AK9: variants seen among roughly 807,000 people sequenced by gnomAD.
AK9 encodes adenylate kinase domain containing 1.
Under a neutral mutation model 239.6 loss-of-function variants are expected in AK9, and 191 were observed. The observed-to-expected ratio is 0.80, with a 90% confidence interval of 0.71 to 0.90. The LOEUF is 0.90. Among genes scored for constraint, AK9 ranks in the 40% least tolerant of loss-of-function variants. The pLI is 0.00. For missense variants in AK9, 1,995 were observed against 2,214.7 expected, an observed-to-expected ratio of 0.90 and a Z score of 1.99; for synonymous variants, 689 against 721.0, an observed-to-expected ratio of 0.96 and a Z score of 0.71.
intron 1 of AK9, among the ~76,000 whole-genome samples, chr6:109,683,627 T>G (rs1032327869): frequency 6.6e-6 from 1 of 151,904 alleles, no homozygotes; most frequent in Non-Finnish European, 1.5e-5. Context: ...AGGGCCAAAT[T>G]ATGAGTGAAC....
At chr6:109,572,229 G>A (rs1453641166) in intron 21 of AK9, among the ~76,000 whole-genome samples, 3 of 152,120 alleles carry the variant, frequency 2.0e-5, no homozygotes, top group Non-Finnish European at 4.4e-5. Context: ...AGATACTGTT[G>A]GTTGGCTCCC....
intron 17 of AK9, among the ~76,000 whole-genome samples, chr6:109,599,993 T>A (rs1791678803): frequency 6.6e-6 from 1 of 152,190 alleles, no homozygotes; most frequent in African/African-American, 2.4e-5. Flanking sequence ...ACGATGGGGT[T>A]TTCTAGATAT....
At position 109,550,150 on chromosome 6, in the gene AK9, C is replaced by T; in HGVS notation, c.2904G>A (p.Glu968=). ...GATGCTCCAAAAACTTTTCTTTAGC[C>T]TCAGCACTTGAAAAGTAGTAGATCT... The part of the protein sequence containing the change: ...REKIYYFSSA[E]AKEKFLEHPE... The change falls in exon 25 of 41, where the codon GAG becomes GAA. Residue 968 remains glutamate, a synonymous_variant. Transcript: ENST00000424296. 6.2e-7 allele frequency: 1 copy of T among 1,613,890 alleles called. No individual in the cohort carries two copies. The highest frequency in any genetic ancestry group is 8.5e-7 in the Non-Finnish European group (1 of 1,179,994).
At chr6:109,537,945 T>A (rs1782262930) in intron 27 of AK9, among the ~76,000 whole-genome samples, 1 of 152,216 alleles carries the variant, frequency 6.6e-6, no homozygotes, top group Admixed American at 6.5e-5. Flanking sequence ...TGAGTTCTAG[T>A]TTGATTGCAC....
chr6:109,664,510 C>T (rs1448239779), intron 5 of AK9, among the ~76,000 whole-genome samples: 6 of 151,904 alleles, frequency 3.9e-5, no homozygotes, highest in African/African-American at 7.2e-5. Context: ...CTGCAACCTC[C>T]GCCTCCGGGG....
chr6:109,648,625 G>A (rs1218111441), intron 8 of AK9, among the ~76,000 whole-genome samples: 1 of 152,172 alleles, frequency 6.6e-6, no homozygotes, highest in Non-Finnish European at 1.5e-5. Context: ...AAAGAGTCCA[G>A]GACCAGATGG....
At chr6:109,600,481 A>C (rs1006541962) in intron 17 of AK9, among the ~76,000 whole-genome samples, 1 of 152,194 alleles carries the variant, frequency 6.6e-6, no homozygotes, top group Non-Finnish European at 1.5e-5. Flanking sequence ...TTGGTTTACC[A>C]GTATTTTATT....
intron 17 of AK9, among the ~76,000 whole-genome samples, chr6:109,594,762 G>A (rs554054792): frequency 6.6e-6 from 1 of 152,294 alleles, no homozygotes; most frequent in South Asian, 2.1e-4. Flanking sequence ...AATGGGGAAA[G>A]GATTCCCTGT....
intron 29 of AK9, among the ~76,000 whole-genome samples, chr6:109,520,692 G>A (rs1308793822): frequency 6.6e-6 from 1 of 152,072 alleles, no homozygotes; most frequent in Admixed American, 6.5e-5. Flanking sequence ...TTTGTAGATT[G>A]AATAGTATGG....
intron 26 of AK9, among the ~76,000 whole-genome samples, chr6:109,545,441 G>C (rs146569519): frequency 6.6e-6 from 1 of 152,150 alleles, no homozygotes; most frequent in Non-Finnish European, 1.5e-5. Context: ...ATGGGGGCAG[G>C]CCTTTCCCAT....
chr6:109,646,007 G>T (rs150231254), intron 8 of AK9, among the ~76,000 whole-genome samples: 1 of 152,236 alleles, frequency 6.6e-6, no homozygotes. Context: ...GGTCCTAACT[G>T]TTAGAAGGAA....
chr6:109,528,336 A>C (rs1582850065), intron 29 of AK9: 1 of 357,766 alleles, frequency 2.8e-6, no homozygotes, highest in East Asian at 7.4e-5. Context: ...TGAGCATTAT[A>C]ATGAGGCTAC....
chr6:109,662,162 G>A (rs1800511322), intron 6 of AK9, among the ~76,000 whole-genome samples: 1 of 152,180 alleles, frequency 6.6e-6, no homozygotes, highest in Non-Finnish European at 1.5e-5. Flanking sequence ...ATAGTAAGGT[G>A]AGTAACATGA....
intron 12 of AK9, among the ~76,000 whole-genome samples, chr6:109,628,203 T>C (rs1341269571): frequency 2.6e-5 from 4 of 152,234 alleles, no homozygotes; most frequent in Non-Finnish European, 5.9e-5. Flanking sequence ...CTCAAGTCCC[T>C]GCACTGCTCA....
intron 12 of AK9, 110 bp downstream of exon 12, chr6:109,632,813 A>C: frequency 1.4e-6 from 2 of 1,379,602 alleles, no homozygotes; most frequent in Non-Finnish European, 1.9e-6. Context: ...AACTGAGTAC[A>C]AATAAAATCC....
intron 12 of AK9, among the ~76,000 whole-genome samples, chr6:109,623,895 ACACACACAC>A (rs1393146821): frequency 1.5e-4 from 22 of 148,276 alleles, no homozygotes; most frequent in African/African-American, 4.1e-4. Context: ...ACACACACAC[ACACACACAC>A]ATTTCTTCTC....
intron 1 of AK9, among the ~76,000 whole-genome samples, chr6:109,686,669 A>G (rs1159448817): frequency 6.6e-6 from 1 of 152,224 alleles, no homozygotes; most frequent in Non-Finnish European, 1.5e-5. Context: ...CCACAACAGG[A>G]GCCTCTCTCT....
chr6:109,655,405 A>T (rs948168834), intron 8 of AK9, among the ~76,000 whole-genome samples: 2 of 152,196 alleles, frequency 1.3e-5, no homozygotes, highest in African/African-American at 4.8e-5. Context: ...TTTTTAAAAA[A>T]TCATTTCTAT....
At chr6:109,538,857 G>C (rs1404003287) in intron 27 of AK9, among the ~76,000 whole-genome samples, 9 of 151,770 alleles carry the variant, frequency 5.9e-5, no homozygotes, top group Admixed American at 2.6e-4. Context: ...TTCTCCTTCA[G>C]TTATGAAGCT....
Sources: allele counts gnomAD v4.1 joint callset (sites outside exome capture counted in the v4.1 genomes callset), GRCh38; gene constraint gnomAD v4.1.1; transcripts MANE v1.5; gene names NCBI Gene and HGNC (gene_info 2026-07-23, HGNC 2026-07-21).